Variants in OPA1 observed in about 807,000 individuals in gnomAD.
OPA1 encodes the protein OPA1 mitochondrial dynamin like GTPase, also known as dynamin-like GTPase OPA1, mitochondrial.
Under a neutral mutation model 152.9 loss-of-function variants are expected in OPA1, and 59 were observed. That is an observed-to-expected ratio of 0.39 (90% CI 0.31 to 0.48). OPA1 has a LOEUF of 0.48. OPA1 is among the 20% of genes least tolerant of loss of function. OPA1 has a pLI of 0.96. For synonymous variants in OPA1, 400 were observed against 389.9 expected (o/e 1.03, Z -0.31); for missense variants, 1,008 against 1,216.8 (o/e 0.83, Z 2.55).
intron 16 of OPA1, among the ~76,000 whole-genome samples, chr3:193,644,745 T>G (rs961333186): frequency 6.6e-6 from 1 of 152,150 alleles, no homozygotes; most frequent in Non-Finnish European, 1.5e-5. Flanking sequence ...TTCTGTGGCC[T>G]CCTCCCCATC....
intron 11 of OPA1, among the ~76,000 whole-genome samples, chr3:193,640,201 T>G (rs1436068564): frequency 1.3e-5 from 2 of 152,120 alleles, no homozygotes; most frequent in South Asian, 4.1e-4. Context: ...GGAGAAGATC[T>G]TCAAGGGAGT....
chr3:193,637,003 G>C (rs2109010273), intron 9 of OPA1, among the ~76,000 whole-genome samples, 192 bp from the exon 10 acceptor site: 1 of 152,182 alleles, frequency 6.6e-6, no homozygotes, highest in East Asian at 1.9e-4. Context: ...TAAATAAACT[G>C]AATGAGAAAT....
intron 11 of OPA1, among the ~76,000 whole-genome samples, chr3:193,638,471 T>G (rs969521539): frequency 4.6e-5 from 7 of 152,188 alleles, no homozygotes; most frequent in African/African-American, 1.4e-4. Context: ...CTTTTCCTGT[T>G]TAGAAAAAAA....
intron 7 of OPA1, 74 bp from the exon 8 acceptor site, chr3:193,631,538 T>C (rs938349706): frequency 5.4e-5 from 58 of 1,075,474 alleles, no homozygotes; most frequent in African/African-American, 4.4e-4. Flanking sequence ...TCAATACTTA[T>C]CAAAAAAATT....
intron 1 of OPA1, among the ~76,000 whole-genome samples, chr3:193,606,334 G>A (rs1462421101): frequency 6.6e-6 from 1 of 152,008 alleles, no homozygotes; most frequent in African/African-American, 2.4e-5. Context: ...TGTTACATAT[G>A]TATACATGTG....
intron 7 of OPA1, chr3:193,627,362 C>T (rs866585992): frequency 1.1e-3 from 169 of 152,242 alleles, no homozygotes; most frequent in African/African-American, 3.8e-3. Context: ...GAGTTTCCTA[C>T]CTGGTTAAAT....
intron 29 of OPA1, among the ~76,000 whole-genome samples, chr3:193,676,757 G>A (rs1719078059): frequency 6.6e-6 from 1 of 152,182 alleles, no homozygotes; most frequent in East Asian, 1.9e-4. Context: ...AAGGTGGGCG[G>A]ATCACAAGGT....
rs1380881656 is a variant in OPA1, at chr3:193,617,221, G to C, written c.492G>C (p.Lys164Asn). The change falls in exon 4 of 31, where the codon AAG (lysine) becomes AAC (asparagine). Residue 164 changes from lysine to asparagine, a missense_variant. By Grantham distance (94) the Lys-to-Asn change is moderately conservative. Transcript: ENST00000361510. The stretch of plus-strand genomic sequence containing the variant: ...TTCCTAGTTCAGAAGACCTTGTAAA[G>C]TTAGCACCAGACTTTGACAAGATTG... ...KALPSSEDLV[K>N]LAPDFDKIVE... is the part of the protein sequence containing the mutation. 1.9e-6 allele frequency: 3 copies of C among 1,613,196 alleles called. No individual in the cohort carries two copies. The East Asian group carries it at 6.7e-5, about 36-fold the overall frequency.
intron 29 of OPA1, among the ~76,000 whole-genome samples, chr3:193,676,933 A>G (rs1285132443): frequency 2.0e-5 from 3 of 147,222 alleles, no homozygotes; most frequent in African/African-American, 5.0e-5. Context: ...GTGAGCCGAG[A>G]TCGCGCCACT....
chr3:193,642,631 G>T (rs1167586262), intron 11 of OPA1, 134 bp from the exon 12 acceptor site: 1 of 702,602 alleles, frequency 1.4e-6, no homozygotes, highest in East Asian at 2.5e-5. Context: ...AGCTTCAGGG[G>T]GTGCCCCAGC....
intron 21 of OPA1, among the ~76,000 whole-genome samples, chr3:193,652,544 C>G (rs1712768307): frequency 6.6e-6 from 1 of 151,962 alleles, no homozygotes. Flanking sequence ...AGAAGAGAGA[C>G]TGGGGTGAGG....
chr3:193,669,425 T>C (rs960961370), intron 29 of OPA1, among the ~76,000 whole-genome samples: 8 of 152,258 alleles, frequency 5.3e-5, no homozygotes, highest in Admixed American at 5.2e-4. Flanking sequence ...AGAAGATTAG[T>C]GCTCAAATCT....
chr3:193,642,166 C>T (rs1733872268), intron 11 of OPA1, among the ~76,000 whole-genome samples: 1 of 152,138 alleles, frequency 6.6e-6, no homozygotes, highest in South Asian at 2.1e-4. Flanking sequence ...AAATATCACT[C>T]CTTGAGTGAA....
At chr3:193,686,252 T>C (rs1720922573) in intron 29 of OPA1, among the ~76,000 whole-genome samples, 1 of 152,190 alleles carries the variant, frequency 6.6e-6, no homozygotes. Flanking sequence ...GTTTTTGAAG[T>C]AGTGAAACTA....
At chr3:193,597,686 G>A (rs1350242257) in intron 1 of OPA1, among the ~76,000 whole-genome samples, 8 of 110,152 alleles carry the variant, frequency 7.3e-5, no homozygotes, top group Admixed American at 5.2e-4. Context: ...GCAAGACTCC[G>A]TTTCAAAAAA....
Position 193,642,996 on chromosome 3 carries a change from A to C in OPA1, c.1252A>C (p.Ile418Leu), listed in dbSNP as rs765008217. 1.2e-6 allele frequency: 2 copies of C among 1,613,988 alleles called. No homozygotes were observed. The highest frequency in any genetic ancestry group is 1.7e-6 in the Non-Finnish European group (2 of 1,179,864). The change falls in exon 13 of 31, where the codon ATA (isoleucine) becomes CTA (leucine). Residue 418 changes from isoleucine (I) to leucine (L), a missense_variant. Ile to Leu is a conservative substitution (Grantham distance 5). Coordinates refer to ENST00000361510, the MANE Select transcript of OPA1 (RefSeq NM_130837.3). ...EEDLAALRHE[I>L]ELRMRKNVKE... ...TTAGCTTGCAGCATTAAGACATGAA[A>C]TAGAACTTCGAATGAGGAAAAATGT...
At chr3:193,612,686 C>G (rs750755880) in intron 1 of OPA1, among the ~76,000 whole-genome samples, 1 of 152,078 alleles carries the variant, frequency 6.6e-6, no homozygotes, top group Non-Finnish European at 1.5e-5. Context: ...TGTTCTGGGC[C>G]CATAATTTTT....
At position 193,608,947 on chromosome 3, in the gene OPA1, C is replaced by G. The variant is rs528629543; in HGVS notation, c.33-5776C>G. ...TCTTCTTGTTGAATTGATCCCTTTA[C>G]CATTATGTAATGGCCTTCTTTGTCT... On this transcript the variant is annotated intron_variant, in intron 1 of 30. Coordinates refer to ENST00000361510, the MANE Select transcript of OPA1 (RefSeq NM_130837.3). Among the ~76,000 whole-genome samples the G allele has an allele frequency of 2.6e-5, 4 of 152,184 alleles. No homozygotes were observed. The South Asian group carries it at 8.3e-4, about 32-fold the overall frequency.
intron 1 of OPA1, among the ~76,000 whole-genome samples, chr3:193,596,270 AT>A (rs1202584793): frequency 1.2e-5 from 1 of 82,236 alleles, no homozygotes; most frequent in Non-Finnish European, 2.5e-5. Context: ...TTTACTGTTG[AT>A]TTTTTTAATA....
Sources: allele counts gnomAD v4.1 joint callset (sites outside exome capture counted in the v4.1 genomes callset), GRCh38; gene constraint gnomAD v4.1.1; transcripts MANE v1.5; gene names NCBI Gene and HGNC (gene_info 2026-07-23, HGNC 2026-07-21).